The following OSBPL1A variants were observed in gnomAD, a reference collection of about 807,000 sequenced individuals.
OSBPL1A encodes oxysterol-binding protein-related protein 1.
OSBPL1A carries 80 observed loss-of-function variants against 137.1 expected under a neutral mutation model. The observed-to-expected ratio is 0.58, with a 90% CI of 0.49 to 0.70. The LOEUF (loss-of-function observed/expected upper bound fraction) is 0.70, where lower values mean the gene tolerates loss of function less well. Ranked by LOEUF, OSBPL1A falls within the 30% of genes least tolerant of loss-of-function variation. OSBPL1A has a pLI of 0.00. For synonymous variants in OSBPL1A, 365 were observed against 389.7 expected, an observed-to-expected ratio of 0.94 and a Z score of 0.75; for missense variants, 970 against 1,129.4, an observed-to-expected ratio of 0.86 and a Z score of 2.02.
intron 1 of OSBPL1A, among the ~76,000 whole-genome samples, chr18:24,379,969 G>A (rs1287638276): frequency 6.6e-6 from 1 of 152,148 alleles, no homozygotes. Flanking sequence ...TAGAACCTAT[G>A]AAAGCACATC....
At chr18:24,218,955 TCC>T (rs2087799295) in intron 17 of OSBPL1A, among the ~76,000 whole-genome samples, 1 of 152,058 alleles carries the variant, frequency 6.6e-6, no homozygotes, top group Non-Finnish European at 1.5e-5. Flanking sequence ...AAAAGCTATG[TCC>T]CTAAAAAAAA....
chr18:24,239,122 G>T lies in OSBPL1A; in HGVS notation c.1444+98C>A. The T allele has an allele frequency of 5.7e-6, 8 of 1,410,194 alleles. No individual in the cohort carries two copies. In the South Asian group the frequency reaches 8.6e-5, roughly 15 times the overall value. The allele number at this position is 1,410,194 out of a possible 1,614,324, so 87.4% of individuals were successfully genotyped here. ...CTGTTTATTCCAGGAAACTCTAGGT[G>T]ACCTCTGCTCTAAGGTGGTGGACTC... On this transcript the variant is annotated intron_variant, in intron 16 of 27. Transcript: ENST00000319481.
At chr18:24,251,131 A>G (rs2089077805) in intron 15 of OSBPL1A, among the ~76,000 whole-genome samples, 1 of 152,210 alleles carries the variant, frequency 6.6e-6, no homozygotes, top group Non-Finnish European at 1.5e-5. Context: ...TTTTGATTCC[A>G]ATCCCTGACT....
chr18:24,341,513 A>T (rs750363807), intron 5 of OSBPL1A, 34 bp downstream of exon 5: 2 of 1,515,122 alleles, frequency 1.3e-6, no homozygotes. Context: ...TAATGAAAGT[A>T]AATGCTGTTT....
chr18:24,173,125 T>C (rs924391148), intron 21 of OSBPL1A, among the ~76,000 whole-genome samples: 2 of 152,182 alleles, frequency 1.3e-5, no homozygotes, highest in African/African-American at 4.8e-5. Context: ...GAGTCCATTA[T>C]TCTTAGCAAA....
At position 24,163,224 on chromosome 18, in the gene OSBPL1A, G is replaced by T; in HGVS notation, c.2808C>A (p.Gly936=). ...TGAAGTAATTTCTGTCCCAGTAGCTGCCAGAGTAAATCCAGTCCTGTGCTC... is the reference window on the plus strand; with the variant it reads ...TGAAGTAATTTCTGTCCCAGTAGCTTCCAGAGTAAATCCAGTCCTGTGCTC... ...YNGAQDWIYS[G]SYWDRNYFNL... Residue 936 remains glycine (G), a synonymous_variant, in exon 28 of 28, where the codon GGC becomes GGA. Transcript: ENST00000319481. 1 of 1,613,664 alleles carries T rather than the reference G, an allele frequency of 6.2e-7. No individual in the cohort carries two copies. The highest frequency in any genetic ancestry group is 8.5e-7 in the Non-Finnish European group (1 of 1,179,694).
At position 24,163,145 on chromosome 18, in the gene OSBPL1A, G is replaced by T; in HGVS notation, c.*34C>A. 1 of 1,473,754 alleles carries T rather than the reference G, an allele frequency of 6.8e-7. No homozygotes were observed. The highest frequency in any genetic ancestry group is 9.4e-7 in the Non-Finnish European group (1 of 1,063,648). 91.3% of individuals were successfully genotyped at this position (1,473,754 alleles called of 1,614,324 possible). A position where few individuals can be genotyped will look rare whatever the true frequency, so the allele number is the denominator to read the frequency against. The stretch of plus-strand genomic sequence containing the variant: ...AAAAACATAGGTTTAAGACTTATTT[G>T]TAGATTAGCCAAACACCCTGACTTG... On this transcript the variant is annotated 3_prime_UTR_variant, in exon 28 of 28. Transcript: ENST00000319481.
intron 15 of OSBPL1A, among the ~76,000 whole-genome samples, chr18:24,254,853 C>T (rs2089223230): frequency 6.6e-6 from 1 of 151,920 alleles, no homozygotes; most frequent in South Asian, 2.1e-4. Flanking sequence ...TAATAAAGAT[C>T]AGAGCAGAAA....
At chr18:24,378,275 TAAAAA>T (rs900130984) in intron 1 of OSBPL1A, among the ~76,000 whole-genome samples, 1 of 151,848 alleles carries the variant, frequency 6.6e-6, no homozygotes, top group Non-Finnish European at 1.5e-5. Context: ...TTAGCAAAAA[TAAAAA>T]AAGACAAGAA....
chr18:24,244,909 T>C (rs1036704632), intron 15 of OSBPL1A, among the ~76,000 whole-genome samples: 2 of 152,124 alleles, frequency 1.3e-5, no homozygotes, highest in Non-Finnish European at 2.9e-5. Flanking sequence ...GGGGAATAAG[T>C]GATTATTATT....
At chr18:24,321,998 G>A (rs2090869165) in intron 7 of OSBPL1A, among the ~76,000 whole-genome samples, 1 of 152,054 alleles carries the variant, frequency 6.6e-6, no homozygotes, top group Non-Finnish European at 1.5e-5. Context: ...ATGCAGGGAG[G>A]CTAATTACAA....
At chr18:24,309,558 C>T (rs2090574806) in intron 13 of OSBPL1A, among the ~76,000 whole-genome samples, 1 of 152,106 alleles carries the variant, frequency 6.6e-6, no homozygotes, top group Admixed American at 6.5e-5. Flanking sequence ...GACTAATTCC[C>T]CTTAGAATGT....
chr18:24,260,409 A>G (rs1416236473), intron 15 of OSBPL1A, among the ~76,000 whole-genome samples: 1 of 152,254 alleles, frequency 6.6e-6, no homozygotes, highest in Non-Finnish European at 1.5e-5. Context: ...GAAACAGCCC[A>G]AATGCCCATA....
chr18:24,318,623 C>G lies in OSBPL1A; in HGVS notation c.710G>C (p.Arg237Pro). ...TACCTTCCAGAGAGGGCCCTCATAT[C>G]GTTTCAATGCTTTGTAGATGACCTG... is the stretch of plus-strand genomic sequence containing the variant. ...GNKVIYKALK[R>P]YEGPLWKSSR... Residue 237 changes from arginine to proline, a missense_variant, in exon 9 of 28, where the codon CGA becomes CCA. By Grantham distance (103) the Arg-to-Pro change is moderately radical. This residue lies in a region of OSBPL1A where 647 missense variants were observed against 672.6 expected (regional missense o/e 0.96). Coordinates refer to ENST00000319481, the MANE Select transcript of OSBPL1A (RefSeq NM_080597.4). 3 of 1,610,062 alleles carry G rather than the reference C, an allele frequency of 1.9e-6. No individual in the cohort carries two copies. The highest frequency in any genetic ancestry group is 2.5e-6 in the Non-Finnish European group (3 of 1,179,264).
chr18:24,247,718 AC>A (rs529579702), intron 15 of OSBPL1A, among the ~76,000 whole-genome samples: 126 of 151,820 alleles, frequency 8.3e-4, no homozygotes, highest in Non-Finnish European at 1.2e-3. Context: ...CAATCCACCC[AC>A]CTTGGCCTCC....
intron 15 of OSBPL1A, among the ~76,000 whole-genome samples, chr18:24,246,291 G>A (rs924957110): frequency 1.3e-5 from 2 of 152,012 alleles, no homozygotes; most frequent in African/African-American, 4.8e-5. Context: ...AAGGGACCGA[G>A]GCAGATTTAC....
At chr18:24,195,885 A>C (rs2087015815) in intron 18 of OSBPL1A, 1 of 465,532 alleles carries the variant, frequency 2.1e-6, no homozygotes, top group African/African-American at 2.0e-5. Context: ...CAACAGAAAC[A>C]CGGCATTTTC....
chr18:24,192,699 G>A (rs11083007), intron 18 of OSBPL1A, among the ~76,000 whole-genome samples: 4 of 151,970 alleles, frequency 2.6e-5, no homozygotes, highest in African/African-American at 7.3e-5. Context: ...CTGCAGACAC[G>A]GGGGGCCAAG....
intron 17 of OSBPL1A, among the ~76,000 whole-genome samples, chr18:24,219,534 A>G (rs1403070229): frequency 6.6e-6 from 1 of 152,146 alleles, no homozygotes; most frequent in Non-Finnish European, 1.5e-5. Flanking sequence ...GGTTGATTTA[A>G]GCATAGCCTT....
Sources: gnomAD v4.1 joint callset for allele counts (sites outside exome capture counted in the v4.1 genomes callset) on GRCh38, gnomAD v4.1.1 for gene constraint, gnomAD v4.1.1 regional missense constraint, MANE v1.5 for transcripts, NCBI Gene and HGNC (gene_info 2026-07-23, HGNC 2026-07-21) for gene names.